Variants in ENTPD1 observed in about 807,000 individuals in gnomAD.
ENTPD1 encodes ectonucleoside triphosphate diphosphohydrolase 1.
A neutral mutation model predicts 57.0 loss-of-function variants in ENTPD1; 33 were observed. That is an observed-to-expected ratio of 0.58 (90% CI 0.44 to 0.77). The LOEUF is 0.77. Ranked by LOEUF, ENTPD1 falls within the 30% of genes least tolerant of loss-of-function variation. The probability of loss-of-function intolerance (pLI) is 0.00; values close to 1 mark genes in which losing one functional copy is unlikely to be tolerated. For missense variants in ENTPD1, 501 were observed against 603.4 expected (o/e 0.83, Z 1.78); for synonymous variants, 202 against 218.8 (o/e 0.92, Z 0.68).
chr10:95,723,087 T>C (rs959566141), intron 1 of ENTPD1, among the ~76,000 whole-genome samples: 13 of 152,186 alleles, frequency 8.5e-5, no homozygotes, highest in Non-Finnish European at 1.5e-4. Flanking sequence ...GGCTGCGGGT[T>C]GTCAGTGGTC....
At chr10:95,719,744 A>G (rs1389107622) in intron 1 of ENTPD1, among the ~76,000 whole-genome samples, 2 of 152,184 alleles carry the variant, frequency 1.3e-5, no homozygotes, top group African/African-American at 4.8e-5. Context: ...TCCAGGTATG[A>G]GAATTGACTC....
At chr10:95,705,229 C>A in the ENTPD1 span, among the ~76,000 whole-genome samples, 18 of 151,492 alleles carry the variant, frequency 1.2e-4, no homozygotes, top group African/African-American at 4.4e-4. Context: ...ATATACATAC[C>A]CTATGACCCA....
At chr10:95,846,003 G>C (rs1001411337) in intron 6 of ENTPD1, 3 of 129,632 alleles carry the variant, frequency 2.3e-5, no homozygotes, top group Non-Finnish European at 4.9e-5. Flanking sequence ...CTGGAGAGGA[G>C]AAGGAAAAAA....
intron 1 of ENTPD1, among the ~76,000 whole-genome samples, chr10:95,797,002 G>A (rs2098229100): frequency 6.6e-6 from 1 of 152,118 alleles, no homozygotes; most frequent in Non-Finnish European, 1.5e-5. Context: ...GAGTCCAGGA[G>A]TTCAAGGCTG....
At chr10:95,703,142 G>A in the ENTPD1 span, among the ~76,000 whole-genome samples, 1 of 152,062 alleles carries the variant, frequency 6.6e-6, no homozygotes, top group Non-Finnish European at 1.5e-5. Flanking sequence ...TATCTTTAAG[G>A]AAGCTAACCT....
rs1028200155 is a variant in ENTPD1 at position 95,735,688 on chromosome 10, C to T, written c.37+23695C>T. ...TCGGCTCACTGCAACCTCCACCTCC[C>T]GGGTTCAAGTGATTCTCCTGCCTCA... On this transcript the variant is annotated intron_variant, in intron 1 of 9. Transcript: ENST00000453258. Among the ~76,000 whole-genome samples the T allele has an allele frequency of 5.3e-5, 8 of 152,132 alleles. No homozygotes were observed. In the South Asian group the frequency reaches 1.2e-3, roughly 24 times the overall value.
At chr10:95,825,761 G>A (rs1320665949) in intron 2 of ENTPD1, among the ~76,000 whole-genome samples, 1 of 152,096 alleles carries the variant, frequency 6.6e-6, no homozygotes, top group African/African-American at 2.4e-5. Flanking sequence ...TGTATTTTTA[G>A]TAGAGACGGG....
chr10:95,841,687 G>A (rs1342327903), intron 3 of ENTPD1, among the ~76,000 whole-genome samples: 1 of 151,890 alleles, frequency 6.6e-6, no homozygotes, highest in East Asian at 1.9e-4. Context: ...AGATGAAAGT[G>A]TTGTTATAAC....
chr10:95,801,557 AT>A (rs1002832723), intron 1 of ENTPD1, among the ~76,000 whole-genome samples: 39 of 151,222 alleles, frequency 2.6e-4, no homozygotes, highest in Non-Finnish European at 5.2e-4. Context: ...ATTTTTATTT[AT>A]TTTTTATTTT....
At chr10:95,766,728 T>G (rs904727949) in intron 1 of ENTPD1, among the ~76,000 whole-genome samples, 1 of 152,210 alleles carries the variant, frequency 6.6e-6, no homozygotes, top group African/African-American at 2.4e-5. Context: ...TCACATTTAT[T>G]TTATCTGCCT....
At chr10:95,792,832 C>T (rs1396248922) in intron 1 of ENTPD1, among the ~76,000 whole-genome samples, 6 of 152,172 alleles carry the variant, frequency 3.9e-5, no homozygotes, top group Non-Finnish European at 8.8e-5. Context: ...TTATCCTAGT[C>T]ACTCTTCCTG....
chr10:95,791,217 G>A lies in ENTPD1; in HGVS notation c.17-32020G>A, dbSNP rs1399238667. ...TGTTAATGTTTAGTTTCCAGGTGAA[G>A]GGCTATAATAACTTCACTGTATCTG... On this transcript the variant is annotated intron_variant, in intron 1 of 9. Transcript: ENST00000371205. This position sits in a 1 kb window ranked among gnomAD's most constrained non-coding sequence, Gnocchi z 4.1. Among the ~76,000 whole-genome samples the A allele has an allele frequency of 6.6e-6, 1 of 152,172 alleles. No individual in the cohort carries two copies. The highest frequency in any genetic ancestry group is 2.4e-5 in the African/African-American group (1 of 41,450).
chr10:95,792,195 G>A (rs117653391), intron 1 of ENTPD1, among the ~76,000 whole-genome samples: 5,140 of 152,216 alleles, frequency 0.034, 117 homozygotes, highest in Non-Finnish European at 0.049. Context: ...AGGTTTCTTG[G>A]GATACAGCAC....
intron 2 of ENTPD1, among the ~76,000 whole-genome samples, chr10:95,832,525 A>G (rs1036855335): frequency 2.0e-5 from 3 of 151,840 alleles, no homozygotes; most frequent in African/African-American, 7.3e-5. Flanking sequence ...TTCCTTGTCT[A>G]CTCGTAACTG....
Position 95,866,202 on chromosome 10 carries a change from CTTT to C in ENTPD1, c.1353_1355del (p.Leu452del). On this transcript the variant is annotated inframe_deletion, in exon 10 of 10. Transcript: ENST00000371205. ...ATCCAGGGCAGCGACGCCGGCTGGA[CTTT>C]GGGCTACATGCTGAACCTGACCAAC... The C allele has an allele frequency of 1.2e-6, 2 of 1,614,104 alleles. No homozygotes were observed. The highest frequency in any genetic ancestry group is 1.7e-6 in the Non-Finnish European group (2 of 1,180,000).
chr10:95,823,320 G>T lies in ENTPD1; in HGVS notation c.100G>T (p.Ala34Ser). Residue 34 changes from alanine (A) to serine (S), a missense_variant, in exon 2 of 10, where the codon GCT (alanine) becomes TCT (serine). Coordinates refer to ENST00000371205, the MANE Select transcript of ENTPD1 (RefSeq NM_001776.6). ...SSIIAVIALL[A>S]VGLTQNKALP... ...TATCATAGCTGTGATAGCTTTGCTT[G>T]CTGTGGGGTTGACCCAGAACAAAGC... The T allele has an allele frequency of 6.2e-7, 1 of 1,614,172 alleles. No homozygotes were observed. Among genetic ancestry groups the T allele is most frequent in the Non-Finnish European group, 8.5e-7 (1 of 1,180,012 alleles).
intron 1 of ENTPD1, among the ~76,000 whole-genome samples, chr10:95,807,278 C>T (rs1253189175): frequency 6.6e-6 from 1 of 152,236 alleles, no homozygotes; most frequent in Non-Finnish European, 1.5e-5. Flanking sequence ...GCTGCACTTT[C>T]AGTGAACAAG....
intron 1 of ENTPD1, among the ~76,000 whole-genome samples, chr10:95,723,365 G>A (rs1341723610): frequency 6.6e-6 from 1 of 151,710 alleles, no homozygotes; most frequent in Non-Finnish European, 1.5e-5. Flanking sequence ...ACAAACTTGG[G>A]GCCCTGGCAA....
At position 95,871,935 on chromosome 10, in the gene ENTPD1, G is replaced by GT; in HGVS notation, c.*5553dup. 3 of 985,394 alleles carry GT rather than the reference G, an allele frequency of 3.0e-6. No homozygotes were observed. Among genetic ancestry groups the GT allele is most frequent in the Non-Finnish European group, 3.6e-6 (3 of 829,936 alleles). The allele number at this position is 985,394 out of a possible 1,614,324, so 61.0% of individuals were successfully genotyped here. Reference sequence around the variant, plus strand: ...TTGGGAGCTAGTCAGGGAATAGTGTGTATTTGCAATTACCTAAACTGAACT... The same window carrying GT: ...TTGGGAGCTAGTCAGGGAATAGTGTGTTATTTGCAATTACCTAAACTGAACT... On this transcript the variant is annotated 3_prime_UTR_variant, in exon 10 of 10. Transcript: ENST00000371205.
Sources: allele counts gnomAD v4.1 joint callset (sites outside exome capture counted in the v4.1 genomes callset), GRCh38; gene constraint gnomAD v4.1.1; non-coding constraint Gnocchi (gnomAD v3.1); transcripts MANE v1.5; gene names NCBI Gene and HGNC (gene_info 2026-07-23, HGNC 2026-07-21).